Variants in SNTB1 observed in about 807,000 individuals in gnomAD.
SNTB1 encodes the protein syntrophin beta 1.
Under a neutral mutation model 48.9 loss-of-function variants are expected in SNTB1, and 36 were observed. The ratio of observed to expected loss-of-function variants is 0.74; its 90% CI spans 0.56 to 0.97. The LOEUF (loss-of-function observed/expected upper bound fraction) is 0.97, where lower values mean the gene tolerates loss of function less well. Ranked by LOEUF, SNTB1 falls within the 50% of genes least tolerant of loss-of-function variation. The pLI is 0.00. For synonymous variants in SNTB1, 299 were observed against 294.6 expected (o/e 1.01, Z -0.15); for missense variants, 786 against 703.4 (o/e 1.12, Z -1.33).
chr8:120,784,493 C>T (rs1388090081), intron 1 of SNTB1, among the ~76,000 whole-genome samples: 1 of 152,116 alleles, frequency 6.6e-6, no homozygotes, highest in Non-Finnish European at 1.5e-5. Flanking sequence ...GCTCAGAGTC[C>T]TGGCTGAGTG....
intron 1 of SNTB1, among the ~76,000 whole-genome samples, chr8:120,801,569 A>C (rs34261625): frequency 0.12 from 17,597 of 152,066 alleles, 1,470 homozygotes; most frequent in African/African-American, 0.23. Flanking sequence ...CTCACCTAAC[A>C]AATATTGTCA....
intron 1 of SNTB1, among the ~76,000 whole-genome samples, chr8:120,785,235 G>A (rs894032076): frequency 5.3e-5 from 8 of 152,302 alleles, no homozygotes; most frequent in Non-Finnish European, 1.0e-4. Context: ...GTGTGCTACA[G>A]CCATGGGCAC....
At chr8:120,716,455 T>C (rs553143280) in intron 1 of SNTB1, among the ~76,000 whole-genome samples, 1 of 152,320 alleles carries the variant, frequency 6.6e-6, no homozygotes, top group East Asian at 1.9e-4. Context: ...AATATTCTAT[T>C]TTTGTGAAGG....
Position 120,693,826 on chromosome 8 carries a change from T to A in SNTB1, c.654A>T (p.Glu218Asp). ...AGGTGCTGCCCCCTAACCGAGGGGA[T>A]TCAGGCGGAGGTGTTTCCCACCCAA... ...SEIGWETPPP[E>D]SPRLGGSTSD... Residue 218 changes from glutamate (E) to aspartate (D), a missense_variant, in exon 2 of 7, where the codon GAA becomes GAT. Physicochemically the swap from Glu to Asp is conservative, Grantham distance 45 (BLOSUM62 2). Transcript: ENST00000517992. 6.2e-7 allele frequency: 1 copy of A among 1,614,118 alleles called. No homozygotes were observed. Among genetic ancestry groups the A allele is most frequent in the Non-Finnish European group, 8.5e-7 (1 of 1,179,984 alleles).
rs1318019186 is a variant in SNTB1, at chr8:120,718,244, A to C, written c.572-24336T>G. ...TCTGTCCTCCCTGTCTGTCCTCCTGAGGGTCACTGTGCCACTGCTTTCAGA... is the reference window on the plus strand; with the variant it reads ...TCTGTCCTCCCTGTCTGTCCTCCTGCGGGTCACTGTGCCACTGCTTTCAGA... On this transcript the variant is annotated intron_variant, in intron 1 of 6. Coordinates refer to ENST00000517992, the MANE Select transcript of SNTB1 (RefSeq NM_021021.4). Among the ~76,000 whole-genome samples the C allele has an allele frequency of 3.9e-5, 6 of 152,310 alleles. 1 individual carries two copies. The highest frequency in any genetic ancestry group is 3.3e-4 in the Admixed American group (5 of 15,306).
chr8:120,582,183 G>A lies in SNTB1; in HGVS notation c.997-6958C>T, dbSNP rs566278553. ...TTTAAATGTATTCAAGTTAAACAATGTATGTTCTTTGACCAAAATGGAATT... is the reference window on the plus strand; with the variant it reads ...TTTAAATGTATTCAAGTTAAACAATATATGTTCTTTGACCAAAATGGAATT... On this transcript the variant is annotated intron_variant, in intron 3 of 6. Transcript: ENST00000517992. Among the ~76,000 whole-genome samples, 121 of 152,306 alleles carry A rather than the reference G, an allele frequency of 7.9e-4. 1 individual carries two copies. The highest frequency in any genetic ancestry group is 2.5e-3 in the South Asian group (12 of 4,818).
chr8:120,781,515 A>T (rs1235089932), intron 1 of SNTB1, among the ~76,000 whole-genome samples: 2 of 152,226 alleles, frequency 1.3e-5, no homozygotes, highest in Non-Finnish European at 2.9e-5. Context: ...AGACTCACAA[A>T]GTCACAAAAA....
intron 4 of SNTB1, among the ~76,000 whole-genome samples, chr8:120,565,013 C>T (rs368573387): frequency 1.3e-5 from 2 of 152,178 alleles, no homozygotes; most frequent in East Asian, 1.9e-4. Context: ...TGTTTTCTCT[C>T]TCTACCAGCA....
chr8:120,634,445 A>G (rs1817040183), intron 2 of SNTB1, among the ~76,000 whole-genome samples: 1 of 152,176 alleles, frequency 6.6e-6, no homozygotes, highest in South Asian at 2.1e-4. Context: ...GAGAGAGAGG[A>G]AGAAGTAATT....
chr8:120,700,156 C>CGTGT (rs58077307), intron 1 of SNTB1, among the ~76,000 whole-genome samples: 1,839 of 149,266 alleles, frequency 0.012, 27 homozygotes, highest in Middle Eastern at 0.083. Context: ...AAAAAAATTG[C>CGTGT]GTGTGTGTGT....
intron 1 of SNTB1, among the ~76,000 whole-genome samples, chr8:120,767,427 T>G (rs1819545286): frequency 6.6e-6 from 1 of 152,180 alleles, no homozygotes; most frequent in African/African-American, 2.4e-5. Flanking sequence ...ACACACACCA[T>G]GCATATATAT....
At chr8:120,571,215 T>C (rs1209655760) in intron 4 of SNTB1, 1 of 1,264,602 alleles carries the variant, frequency 7.9e-7, no homozygotes, top group Non-Finnish European at 1.0e-6. Context: ...AACTACCTTA[T>C]TTCAACTTTT....
At chr8:120,748,473 G>T (rs1255025360) in intron 1 of SNTB1, among the ~76,000 whole-genome samples, 1 of 152,196 alleles carries the variant, frequency 6.6e-6, no homozygotes, top group Non-Finnish European at 1.5e-5. Context: ...GAGGGAAAGG[G>T]ATGGTGAAGT....
chr8:120,675,767 C>A (rs537310186), intron 2 of SNTB1, among the ~76,000 whole-genome samples: 1 of 152,342 alleles, frequency 6.6e-6, no homozygotes, highest in South Asian at 2.1e-4. Context: ...AGGAGGTAAA[C>A]TATCTTTGCC....
At chr8:120,587,241 C>CAAAAG (rs759271020) in intron 3 of SNTB1, among the ~76,000 whole-genome samples, 1 of 151,860 alleles carries the variant, frequency 6.6e-6, no homozygotes, top group South Asian at 2.1e-4. Flanking sequence ...CAAAACAAAA[C>CAAAAG]AGACAAACAA....
intron 2 of SNTB1, among the ~76,000 whole-genome samples, chr8:120,649,863 C>G (rs1484084823): frequency 6.6e-6 from 1 of 152,108 alleles, no homozygotes; most frequent in Admixed American, 6.5e-5. Context: ...GGGATATAAT[C>G]TCGTGGTGTG....
At chr8:120,557,134 C>T (rs1317917095) in intron 4 of SNTB1, among the ~76,000 whole-genome samples, 1 of 152,034 alleles carries the variant, frequency 6.6e-6, no homozygotes, top group East Asian at 1.9e-4. Context: ...CCTAACAATG[C>T]CAAAGACAAC....
chr8:120,784,084 C>T (rs1372531249), intron 1 of SNTB1, among the ~76,000 whole-genome samples: 2 of 152,064 alleles, frequency 1.3e-5, no homozygotes, highest in Non-Finnish European at 2.9e-5. Context: ...ACCTCCACCT[C>T]CTGGGTTCAA....
intron 2 of SNTB1, among the ~76,000 whole-genome samples, chr8:120,663,340 G>A (rs146940445): frequency 3.9e-5 from 6 of 152,310 alleles, no homozygotes; most frequent in Admixed American, 3.9e-4. Context: ...ATCCCAAGAA[G>A]AGCAGCAGCC....
Sources: allele counts gnomAD v4.1 joint callset (sites outside exome capture counted in the v4.1 genomes callset), GRCh38; gene constraint gnomAD v4.1.1; transcripts MANE v1.5; gene names NCBI Gene and HGNC (gene_info 2026-07-23, HGNC 2026-07-21).